The following CFHR4 variants were observed in gnomAD, a reference collection of about 807,000 sequenced individuals.
CFHR4 encodes the protein complement factor H related 4.
CFHR4 carries 64 observed loss-of-function variants against 69.3 expected under a neutral mutation model. The ratio of observed to expected loss-of-function variants is 0.92; its 90% CI spans 0.76 to 1.14. CFHR4 has a LOEUF of 1.14. Among genes scored for constraint, CFHR4 ranks in the 50% most tolerant of loss-of-function variants. The probability of loss-of-function intolerance (pLI) is 0.00; values close to 1 mark genes in which losing one functional copy is unlikely to be tolerated. For missense variants in CFHR4, 636 were observed against 684.9 expected, an observed-to-expected ratio of 0.93 and a Z score of 0.80; for synonymous variants, 244 against 237.0, an observed-to-expected ratio of 1.03 and a Z score of -0.27.
chr1:196,915,689 A>C (rs1658577363), intron 9 of CFHR4, among the ~76,000 whole-genome samples: 1 of 151,402 alleles, frequency 6.6e-6, no homozygotes, highest in African/African-American at 2.4e-5. Context: ...AAGAAGAAGA[A>C]AAGAAAAAGA....
At chr1:196,902,700 T>TAA in intron 2 of CFHR4, 85 bp downstream of exon 2, 1 of 1,029,542 alleles carries the variant, frequency 9.7e-7, no homozygotes, top group Non-Finnish European at 1.4e-6. Context: ...TTGTCTTATA[T>TAA]AACAGAAATA....
chr1:196,904,449 C>A (rs142256648), intron 2 of CFHR4, among the ~76,000 whole-genome samples: 3 of 151,302 alleles, frequency 2.0e-5, no homozygotes, highest in Admixed American at 2.0e-4. Context: ...TTAGAACATA[C>A]GCATTACTAA....
chr1:196,915,447 C>T (rs113168894), intron 9 of CFHR4, among the ~76,000 whole-genome samples: 12 of 151,170 alleles, frequency 7.9e-5, no homozygotes, highest in African/African-American at 2.7e-4. Flanking sequence ...ATCAGCCTGA[C>T]CAACATGGTG....
rs568416777 is a variant in CFHR4, at chr1:196,914,463, G to C, written c.1181-32G>C. On this transcript the variant is annotated intron_variant, in intron 7 of 9. Transcript: ENST00000608469. ...GTTGAGTTGTGCATCGTATGGCATA[G>C]AAAAGCAATCCTCAATTTTATTTTG... The C allele has an allele frequency of 1.9e-6, 3 of 1,592,786 alleles. No homozygotes were observed. The South Asian group carries it at 3.4e-5, about 18-fold the overall frequency.
chr1:196,916,753 C>T (rs1323976431), intron 9 of CFHR4, among the ~76,000 whole-genome samples: 9 of 151,408 alleles, frequency 5.9e-5, no homozygotes, highest in Non-Finnish European at 1.0e-4. Flanking sequence ...GGTTTCACAG[C>T]AAAAGCATTA....
chr1:196,917,330 G>A (rs1433416029), intron 9 of CFHR4, among the ~76,000 whole-genome samples: 1 of 151,724 alleles, frequency 6.6e-6, no homozygotes, highest in Non-Finnish European at 1.5e-5. Context: ...TAATACCTAG[G>A]GTATGGGTTG....
At chr1:196,910,213 G>A (rs1180194007) in intron 5 of CFHR4, 68 bp from the exon 6 acceptor site, 5 of 808,114 alleles carry the variant, frequency 6.2e-6, no homozygotes, top group South Asian at 3.3e-5. Flanking sequence ...AATCAAAACA[G>A]TCATCTCTTA....
At chr1:196,898,544 AT>A (rs1162987225) in intron 1 of CFHR4, among the ~76,000 whole-genome samples, 1 of 151,604 alleles carries the variant, frequency 6.6e-6, no homozygotes, top group Non-Finnish European at 1.5e-5. Flanking sequence ...ATGAATAGAT[AT>A]TTCTCTATTC....
At chr1:196,914,437 A>G in intron 7 of CFHR4, 58 bp from the exon 8 acceptor site, 3 of 1,526,322 alleles carry the variant, frequency 2.0e-6, no homozygotes, top group East Asian at 2.3e-5. Context: ...GGACTTTCTT[A>G]GTTGAGTTGT....
chr1:196,894,916 C>T (rs1015813945), intron 1 of CFHR4, among the ~76,000 whole-genome samples: 1 of 151,222 alleles, frequency 6.6e-6, no homozygotes, highest in Non-Finnish European at 1.5e-5. Flanking sequence ...ACAAATTATT[C>T]AGGTATGGTG....
chr1:196,909,828 A>G (rs1311165609), intron 5 of CFHR4, among the ~76,000 whole-genome samples: 2 of 151,188 alleles, frequency 1.3e-5, no homozygotes, highest in East Asian at 3.9e-4. Flanking sequence ...AGGGAACTTA[A>G]AAAATAATTA....
intron 5 of CFHR4, 35 bp downstream of exon 5, chr1:196,907,533 G>C: frequency 6.5e-7 from 1 of 1,546,158 alleles, no homozygotes; most frequent in Non-Finnish European, 8.9e-7. Context: ...GAGAAAATTA[G>C]AGTAATAACT....
chr1:196,906,956 G>A lies in CFHR4; in HGVS notation c.535G>A (p.Gly179Arg). ...HDTLDYECYD[G>R]YESSYGNTTD... ...CACATTGGACTATGAATGCTATGATGGATATGAAAGCAGTTATGGAAACAC... is the reference window on the plus strand; with the variant it reads ...CACATTGGACTATGAATGCTATGATAGATATGAAAGCAGTTATGGAAACAC... The change falls in exon 4 of 10, where the codon GGA (glycine) becomes AGA (arginine). Residue 179 changes from glycine (G) to arginine (R), a missense_variant. Gly to Arg is a moderately radical substitution (Grantham distance 125, BLOSUM62 -2). This residue lies in a region of CFHR4 where 529 missense variants were observed against 533.2 expected (regional missense o/e 0.99). Coordinates refer to ENST00000608469, the MANE Select transcript of CFHR4 (RefSeq NM_001201550.3). 1 of 1,612,524 alleles carries A rather than the reference G, an allele frequency of 6.2e-7. No individual in the cohort carries two copies. Among genetic ancestry groups the A allele is most frequent in the Non-Finnish European group, 8.5e-7 (1 of 1,179,464 alleles).
chr1:196,907,251 G>A, intron 4 of CFHR4, 65 bp from the exon 5 acceptor site: 1 of 1,389,804 alleles, frequency 7.2e-7, no homozygotes, highest in Non-Finnish European at 1.0e-6. Context: ...TATATAAAAA[G>A]CTTTATTCAG....
Position 196,907,028 on chromosome 1 carries a change from A to G in CFHR4, c.607A>G (p.Thr203Ala). 1 of 1,609,682 alleles carries G rather than the reference A, an allele frequency of 6.2e-7. No individual in the cohort carries two copies. Among genetic ancestry groups the G allele is most frequent in the Non-Finnish European group, 8.5e-7 (1 of 1,178,114 alleles). The change falls in exon 4 of 10, where the codon ACA becomes GCA. Residue 203 changes from threonine to alanine, a missense_variant. By Grantham distance (58) the Thr-to-Ala change is moderately conservative. Transcript: ENST00000608469. ...CGEDGWSHLP[T>A]CYNSSENCGP... ...TGAAGATGGCTGGTCCCATTTGCCA[A>G]CATGCTATAGTAAGTATTTTATTCA...
intron 1 of CFHR4, among the ~76,000 whole-genome samples, chr1:196,890,140 C>T (rs899858049): frequency 2.0e-5 from 3 of 151,478 alleles, no homozygotes; most frequent in Non-Finnish European, 4.4e-5. Context: ...TATATACCCA[C>T]CATACATATT....
chr1:196,912,960 C>T, intron 7 of CFHR4, 38 bp downstream of exon 7: 4 of 1,609,994 alleles, frequency 2.5e-6, no homozygotes, highest in Admixed American at 1.7e-5. Flanking sequence ...TTTCTGTCAA[C>T]TTCGTTCCTC....
In CFHR4 at chr1:196,906,924, T is replaced by G; in HGVS notation, c.503T>G (p.Leu168Arg). The change falls in exon 4 of 10, where the codon CTC (leucine) becomes CGC (arginine). Residue 168 changes from leucine to arginine, a missense_variant. Leu to Arg is a moderately radical substitution (Grantham distance 102). This residue lies in a region of CFHR4 where 529 missense variants were observed against 533.2 expected (regional missense o/e 0.99). Coordinates refer to ENST00000608469, the MANE Select transcript of CFHR4 (RefSeq NM_001201550.3). Reference sequence around the variant, plus strand: ...AAGAGTAATGGCATGTGGTTTAAGCTCCATGACACATTGGACTATGAATGC... The same window carrying G: ...AAGAGTAATGGCATGTGGTTTAAGCGCCATGACACATTGGACTATGAATGC... ...RAKSNGMWFKLHDTLDYECYD... is the reference protein window; with the variant it reads ...RAKSNGMWFKRHDTLDYECYD... The G allele has an allele frequency of 6.2e-7, 1 of 1,612,286 alleles. No individual in the cohort carries two copies. Among genetic ancestry groups the G allele is most frequent in the Non-Finnish European group, 8.5e-7 (1 of 1,179,470 alleles).
rs537077247 is a variant in CFHR4, at chr1:196,914,474, C to T, written c.1181-21C>T. On this transcript the variant is annotated intron_variant, in intron 7 of 9. Transcript: ENST00000608469. ...CATCGTATGGCATAGAAAAGCAATC[C>T]TCAATTTTATTTTGTTTCAGAATTT... 2.5e-5 allele frequency: 40 copies of T among 1,597,498 alleles called. No homozygotes were observed. In the Middle Eastern group the frequency reaches 6.7e-4, roughly 27 times the overall value.
Sources: allele counts gnomAD v4.1 joint callset (sites outside exome capture counted in the v4.1 genomes callset), GRCh38; gene constraint gnomAD v4.1.1; regional missense constraint gnomAD v4.1.1; transcripts MANE v1.5; gene names NCBI Gene and HGNC (gene_info 2026-07-23, HGNC 2026-07-21).